The following ALK variants were observed in gnomAD, a reference collection of about 807,000 sequenced individuals.
ALK encodes ALK receptor tyrosine kinase.
Under a neutral mutation model 163.1 loss-of-function variants are expected in ALK, and 74 were observed. The observed-to-expected ratio is 0.45, with a 90% CI of 0.38 to 0.55. ALK has a LOEUF of 0.55. ALK is among the 20% of genes least tolerant of loss of function. The pLI is 0.00. For missense variants in ALK, 2,063 were observed against 2,105.3 expected, an observed-to-expected ratio of 0.98 and a Z score of 0.39; for synonymous variants, 960 against 843.2, an observed-to-expected ratio of 1.14 and a Z score of -2.40.
Position 29,246,001 on chromosome 2 carries a change from G to A in ALK, c.2204+5104C>T, listed in dbSNP as rs1038151323. ...CAGGAACAGCTGTGGCCCAAGGTCA[G>A]TTGGCTCCAGCTGGGACCTGGGGCC... On this transcript the variant is annotated intron_variant, in intron 12 of 28. Coordinates refer to ENST00000389048, the MANE Select transcript of ALK (RefSeq NM_004304.5). The surrounding 1 kb of genome is among the most constrained non-coding windows in gnomAD (Gnocchi z 4.3). 7.9e-5 allele frequency among the ~76,000 whole-genome samples: 12 copies of A among 152,270 alleles called. No homozygotes were observed.
intron 4 of ALK, among the ~76,000 whole-genome samples, chr2:29,416,049 C>T (rs1669868262): frequency 6.6e-6 from 1 of 152,214 alleles, no homozygotes; most frequent in Admixed American, 6.5e-5. Context: ...TCCTGCTTCT[C>T]CAGTTTGCAG....
At chr2:29,845,440 ATT>A (rs60356489) in intron 1 of ALK, among the ~76,000 whole-genome samples, 22 of 150,990 alleles carry the variant, frequency 1.5e-4, no homozygotes, top group African/African-American at 4.6e-4. Context: ...CTTTAACGAC[ATT>A]TTTTTTTTTG....
At chr2:29,315,014 G>C (rs551879508) in intron 8 of ALK, among the ~76,000 whole-genome samples, 1 of 152,228 alleles carries the variant, frequency 6.6e-6, no homozygotes, top group South Asian at 2.1e-4. Flanking sequence ...TTAATTATTT[G>C]AACTGGAGCT....
intron 1 of ALK, among the ~76,000 whole-genome samples, chr2:29,912,699 T>C (rs1452247927): frequency 6.6e-6 from 1 of 151,848 alleles, no homozygotes. Context: ...ATATATTTTA[T>C]TTATAATACA....
chr2:29,752,348 CTTTTTTTTTT>C (rs34424748), intron 1 of ALK, among the ~76,000 whole-genome samples: 1 of 120,984 alleles, frequency 8.3e-6, no homozygotes, highest in Non-Finnish European at 1.7e-5. Flanking sequence ...ATTTTCTTTT[CTTTTTTTTTT>C]TTTTTTTTTG....
At chr2:29,445,809 T>G (rs1670660030) in intron 4 of ALK, among the ~76,000 whole-genome samples, 3 of 144,500 alleles carry the variant, frequency 2.1e-5, no homozygotes, top group Non-Finnish European at 3.0e-5. Context: ...GCAACAAGAG[T>G]GAAGCGCTGG....
intron 1 of ALK, among the ~76,000 whole-genome samples, chr2:29,800,522 A>C (rs1360078201): frequency 1.3e-5 from 2 of 152,200 alleles, no homozygotes; most frequent in African/African-American, 4.8e-5. Flanking sequence ...GTGGCTGGTC[A>C]ACAGGGACAG....
chr2:29,220,902 G>A (rs2148166909), intron 22 of ALK, 67 bp from the exon 23 acceptor site: 1 of 1,603,312 alleles, frequency 6.2e-7, no homozygotes, highest in Non-Finnish European at 8.5e-7. Context: ...TAAACTGGGA[G>A]GAACAGGATA....
intron 5 of ALK, among the ~76,000 whole-genome samples, chr2:29,334,427 A>T (rs866719944): frequency 1.2e-4 from 18 of 152,350 alleles, no homozygotes; most frequent in African/African-American, 4.3e-4. Context: ...CCGAGTGGTT[A>T]GTGGCTGGCT....
chr2:29,803,879 T>A (rs970753278), intron 1 of ALK, among the ~76,000 whole-genome samples: 1 of 152,322 alleles, frequency 6.6e-6, no homozygotes, highest in East Asian at 1.9e-4. Flanking sequence ...TCTGCCTCAA[T>A]GTCCCTTACA....
At position 29,209,922 on chromosome 2, in the gene ALK, G is replaced by C. The variant is rs752014257; in HGVS notation, c.3744-44C>G. 1.1e-5 allele frequency: 17 copies of C among 1,508,852 alleles called. No individual in the cohort carries two copies. In the African/African-American group the frequency reaches 1.4e-4, roughly 12 times the overall value. 93.5% of individuals were successfully genotyped at this position (1,508,852 alleles called of 1,614,324 possible). ...CATTTCCTAATTTTATCCCTAGGAA[G>C]ATGAGTGTACAACGGCCATCACTAG... On this transcript the variant is annotated intron_variant, in intron 24 of 28. Transcript: ENST00000389048.
intron 1 of ALK, among the ~76,000 whole-genome samples, chr2:29,836,175 C>A (rs542572487): frequency 2.5e-4 from 38 of 152,284 alleles, no homozygotes; most frequent in African/African-American, 8.9e-4. Context: ...TATACTAATT[C>A]TCACTTCAGG....
intron 3 of ALK, among the ~76,000 whole-genome samples, chr2:29,544,165 G>A (rs1015056152): frequency 6.6e-6 from 1 of 152,198 alleles, no homozygotes; most frequent in African/African-American, 2.4e-5. Flanking sequence ...CTGGACAGAA[G>A]GAGTGCAGTG....
At chr2:29,230,840 G>T (rs975517126) in intron 15 of ALK, among the ~76,000 whole-genome samples, 1 of 152,102 alleles carries the variant, frequency 6.6e-6, no homozygotes, top group South Asian at 2.1e-4. Flanking sequence ...AGAAGTTGGC[G>T]CTGGTGTTTG....
rs148202053 is a variant in ALK at position 29,497,145 on chromosome 2, G to A, written c.1154+34770C>T. Among the ~76,000 whole-genome samples the A allele has an allele frequency of 5.7e-3, 868 of 152,222 alleles. 17 individuals carry two copies. Among genetic ancestry groups the A allele is most frequent in the African/African-American group, 0.019 (800 of 41,532 alleles). On this transcript the variant is annotated intron_variant, in intron 4 of 28. Transcript: ENST00000389048. ...AAATTATCCAGGCATGGTGGTGGGC[G>A]CCTGTAATCTCAGCTACTAGGGAGG...
At chr2:29,605,247 A>T in intron 3 of ALK, among the ~76,000 whole-genome samples, 1 of 152,180 alleles carries the variant, frequency 6.6e-6, no homozygotes, top group Non-Finnish European at 1.5e-5. Flanking sequence ...ATGAGAATTT[A>T]ATGCCACCAC....
chr2:29,787,459 T>C (rs993950417), intron 1 of ALK, among the ~76,000 whole-genome samples: 2 of 152,240 alleles, frequency 1.3e-5, no homozygotes, highest in Non-Finnish European at 2.9e-5. Context: ...AAGCACTTAC[T>C]GGACTCATAC....
chr2:29,565,593 G>A lies in ALK; in HGVS notation c.953-33477C>T, dbSNP rs932795578. Among the ~76,000 whole-genome samples the A allele has an allele frequency of 2.6e-5, 4 of 152,250 alleles. No homozygotes were observed. The East Asian group carries it at 7.7e-4, about 29-fold the overall frequency. On this transcript the variant is annotated intron_variant, in intron 3 of 28. Transcript: ENST00000389048. Reference sequence around the variant, plus strand: ...GCCCTTGGGATCCACTTTTTCATGAGGTTCTTCAGTGGAGCACTCCTGAGG... The same window carrying A: ...GCCCTTGGGATCCACTTTTTCATGAAGTTCTTCAGTGGAGCACTCCTGAGG...
intron 1 of ALK, among the ~76,000 whole-genome samples, chr2:29,901,029 G>A (rs1489386818): frequency 6.6e-6 from 1 of 150,596 alleles, no homozygotes; most frequent in East Asian, 1.9e-4. Context: ...AAGCAAGCAA[G>A]CAAGCTTTTC....
Sources: allele counts gnomAD v4.1 joint callset (sites outside exome capture counted in the v4.1 genomes callset), GRCh38; gene constraint gnomAD v4.1.1; non-coding constraint Gnocchi (gnomAD v3.1); transcripts MANE v1.5; gene names NCBI Gene and HGNC (gene_info 2026-07-23, HGNC 2026-07-21).